The following ANKHD1 variants were observed in gnomAD, a reference collection of about 807,000 sequenced individuals.
ANKHD1 encodes ankyrin repeat and KH domain-containing protein 1.
A neutral mutation model predicts 230.5 loss-of-function variants in ANKHD1; 31 were observed. That is an observed-to-expected ratio of 0.13 (90% CI 0.10 to 0.18). The LOEUF is 0.18. Among genes scored for constraint, ANKHD1 ranks in the 10% least tolerant of loss-of-function variants. ANKHD1 has a pLI of 1.00. For synonymous variants in ANKHD1, 1,074 were observed against 1,117.6 expected (o/e 0.96, Z 0.78); for missense variants, 2,256 against 3,071.3 (o/e 0.73, Z 6.27).
intron 1 of ANKHD1, among the ~76,000 whole-genome samples, chr5:140,421,853 A>C (rs1415590002): frequency 6.6e-6 from 1 of 152,202 alleles, no homozygotes; most frequent in Non-Finnish European, 1.5e-5. Flanking sequence ...TGAAGAGACC[A>C]TTATTTGAGG....
Position 140,402,200 on chromosome 5 carries a change from A to G in ANKHD1, c.233A>G (p.Lys78Arg). Residue 78 changes from lysine to arginine, a missense_variant, in exon 1 of 34, where the codon AAG (lysine) becomes AGG (arginine). Around this residue, in one of 13 missense-constraint regions of ANKHD1, gnomAD observed 193 missense variants for 185.8 expected, o/e 1.04. Transcript: ENST00000360839. ...GGAGGGGACGCGGCGCTGGATTTCA[A>G]GTTGGCGGCTGCCGTGCTGAGGACC... ...TGGGDAALDF[K>R]LAAAVLRTGG... is the part of the protein sequence containing the mutation. 6.6e-7 allele frequency: 1 copy of G among 1,525,054 alleles called. No homozygotes were observed. The highest frequency in any genetic ancestry group is 8.8e-7 in the Non-Finnish European group (1 of 1,140,826). 94.5% of individuals were successfully genotyped at this position (1,525,054 alleles called of 1,614,324 possible).
rs762762724 is a variant in ANKHD1 at position 140,528,922 on chromosome 5, A to C, written c.5976A>C (p.Ala1992=). 1 of 1,614,148 alleles carries C rather than the reference A, an allele frequency of 6.2e-7. No homozygotes were observed. The highest frequency in any genetic ancestry group is 1.1e-5 in the South Asian group (1 of 91,080). ...GTTCCCTGCCTTCTGTCTCCTCTGCACCTATCACTAGCGGGCAAGCTCCCA... is the reference window on the plus strand; with the variant it reads ...GTTCCCTGCCTTCTGTCTCCTCTGCCCCTATCACTAGCGGGCAAGCTCCCA... The part of the protein sequence containing the change: ...TCSSLPSVSS[A]PITSGQAPTT... Residue 1992 remains alanine, a synonymous_variant, in exon 29 of 34, where the codon GCA becomes GCC. Coordinates refer to ENST00000360839, the MANE Select transcript of ANKHD1 (RefSeq NM_017747.3).
chr5:140,427,821 C>T (rs540567949), intron 1 of ANKHD1, among the ~76,000 whole-genome samples: 3 of 151,902 alleles, frequency 2.0e-5, no homozygotes, highest in South Asian at 4.1e-4. Context: ...CGGGCGGAGA[C>T]GTTCCTCACT....
chr5:140,511,401 C>G (rs1186705058), intron 22 of ANKHD1, among the ~76,000 whole-genome samples: 1 of 152,166 alleles, frequency 6.6e-6, no homozygotes, highest in East Asian at 1.9e-4. Context: ...GAAATGATTT[C>G]CTTTGCTGTT....
chr5:140,426,757 G>A (rs899920929), intron 1 of ANKHD1, among the ~76,000 whole-genome samples: 2 of 152,266 alleles, frequency 1.3e-5, no homozygotes, highest in African/African-American at 4.8e-5. Flanking sequence ...GTTTAACAAA[G>A]CACATCTTGC....
intron 10 of ANKHD1, among the ~76,000 whole-genome samples, chr5:140,474,498 A>G (rs1242144132): frequency 5.9e-5 from 9 of 152,106 alleles, no homozygotes; most frequent in Admixed American, 5.9e-4. Flanking sequence ...TAAATAAAAT[A>G]AACTTAATTT....
rs761211688 is a variant in ANKHD1 at position 140,528,068 on chromosome 5, A to T, written c.5237+46A>T. The T allele has an allele frequency of 1.2e-5, 20 of 1,606,524 alleles. 1 individual carries two copies. The highest frequency in any genetic ancestry group is 6.7e-5 in the Admixed American group (4 of 59,296). On this transcript the variant is annotated intron_variant, in intron 28 of 33. Transcript: ENST00000360839. ...CTGCTAGTTCTGAGTAGAAATTATA[A>T]GAAGCATACCTTTGTCAGGTATGGT...
chr5:140,482,466 T>C, intron 10 of ANKHD1, 114 bp from the exon 11 acceptor site: 2 of 1,185,092 alleles, frequency 1.7e-6, no homozygotes, highest in Non-Finnish European at 2.3e-6. Flanking sequence ...ATAAAGTGTC[T>C]ACAATGAGTA....
chr5:140,476,571 A>G (rs1750979337), intron 10 of ANKHD1, among the ~76,000 whole-genome samples: 2 of 152,172 alleles, frequency 1.3e-5, no homozygotes, highest in Non-Finnish European at 2.9e-5. Flanking sequence ...CCAAGATAAA[A>G]TAACAATACA....
rs1554084038 is a variant in ANKHD1, at chr5:140,419,780, T to TTCTTTCTC, written c.307-16317_307-16316insCTCTTTCT. Among the ~76,000 whole-genome samples the TTCTTTCTC allele has an allele frequency of 7.9e-4, 32 of 40,350 alleles. No homozygotes were observed. In the South Asian group the frequency reaches 0.018, roughly 23 times the overall value. 26.5% of individuals were successfully genotyped at this position (40,350 alleles called of 152,430 possible). A position where few individuals can be genotyped will look rare whatever the true frequency, so the allele number is the denominator to read the frequency against. ...TCTCTTCTCTTTCCTTTCTTTTTCTTTCTTTCTTTCTTTCTTTCTTTCTTT... is the reference window on the plus strand; with the variant it reads ...TCTCTTCTCTTTCCTTTCTTTTTCTTTCTTTCTCTCTTTCTTTCTTTCTTTCTTTCTTT... On this transcript the variant is annotated intron_variant, in intron 1 of 33. Coordinates refer to ENST00000360839, the MANE Select transcript of ANKHD1 (RefSeq NM_017747.3).
chr5:140,402,142 A>AGCG lies in ANKHD1; in HGVS notation c.187_189dup (p.Gly63dup), dbSNP rs751122692. The AGCG allele has an allele frequency of 6.3e-4, 966 of 1,544,620 alleles. No homozygotes were observed. The highest frequency in any genetic ancestry group is 7.7e-4 in the Non-Finnish European group (886 of 1,150,002). ...CGGGCCAGCGTCGGGAGTCGGCAGCAGCGGCGGCGGCGGCAGCGGCAGCGG... is the reference window on the plus strand; with the variant it reads ...CGGGCCAGCGTCGGGAGTCGGCAGCAGCGGCGGCGGCGGCGGCAGCGGCAGCGG... On this transcript the variant is annotated inframe_insertion, in exon 1 of 34. Coordinates refer to ENST00000360839, the MANE Select transcript of ANKHD1 (RefSeq NM_017747.3).
chr5:140,422,950 A>G (rs1448448972), intron 1 of ANKHD1, among the ~76,000 whole-genome samples: 1 of 151,670 alleles, frequency 6.6e-6, no homozygotes, highest in Non-Finnish European at 1.5e-5. Flanking sequence ...ATCATGGCTC[A>G]CTGCAAACTC....
chr5:140,487,694 A>G (rs1435639455), intron 14 of ANKHD1, among the ~76,000 whole-genome samples: 1 of 152,188 alleles, frequency 6.6e-6, no homozygotes, highest in Admixed American at 6.5e-5. Flanking sequence ...TTCATGTATA[A>G]ATGTACCTTC....
chr5:140,402,964 CTTTT>C (rs56939861), intron 1 of ANKHD1, among the ~76,000 whole-genome samples: 3 of 73,942 alleles, frequency 4.1e-5, no homozygotes, highest in Non-Finnish European at 5.4e-5. Flanking sequence ...GAAACCTCTT[CTTTT>C]TTTTTTTTTT....
intron 8 of ANKHD1, 101 bp from the exon 9 acceptor site, chr5:140,459,063 C>T (rs1775519706): frequency 9.3e-7 from 1 of 1,079,350 alleles, no homozygotes. Context: ...GAGGAAACCA[C>T]AGAAGCAGAG....
intron 1 of ANKHD1, among the ~76,000 whole-genome samples, chr5:140,407,340 A>T (rs1257668580): frequency 3.3e-5 from 5 of 151,702 alleles, no homozygotes; most frequent in Non-Finnish European, 7.4e-5. Context: ...TTTATTTTAA[A>T]TTTTTATTTA....
At chr5:140,476,974 G>C (rs2127005478) in intron 10 of ANKHD1, among the ~76,000 whole-genome samples, 1 of 152,160 alleles carries the variant, frequency 6.6e-6, no homozygotes, top group African/African-American at 2.4e-5. Flanking sequence ...AAGAAAAATA[G>C]AATCGTAATC....
intron 15 of ANKHD1, among the ~76,000 whole-genome samples, chr5:140,504,507 A>G (rs2127050717): frequency 6.6e-6 from 1 of 152,346 alleles, no homozygotes; most frequent in African/African-American, 2.4e-5. Context: ...TGCACTAAAT[A>G]TCAGGTGCTG....
chr5:140,493,501 C>T (rs935226581), intron 14 of ANKHD1, among the ~76,000 whole-genome samples: 1 of 152,118 alleles, frequency 6.6e-6, no homozygotes, highest in African/African-American at 2.4e-5. Context: ...CTACTTACTA[C>T]CTGTTGAAAA....
Sources: allele counts gnomAD v4.1 joint callset (sites outside exome capture counted in the v4.1 genomes callset), GRCh38; gene constraint gnomAD v4.1.1; regional missense constraint gnomAD v4.1.1; transcripts MANE v1.5; gene names NCBI Gene and HGNC (gene_info 2026-07-23, HGNC 2026-07-21).